NIPBL: variants seen among roughly 807,000 people sequenced by gnomAD.
NIPBL encodes NIPBL cohesin loading factor.
In NIPBL, 19 loss-of-function variants were observed where a neutral mutation model predicts 321.8. The observed-to-expected ratio is 0.06, with a 90% CI of 0.04 to 0.09. The LOEUF (loss-of-function observed/expected upper bound fraction) is 0.09, where lower values mean the gene tolerates loss of function less well. Among genes scored for constraint, NIPBL ranks in the 10% least tolerant of loss-of-function variants. The pLI is 1.00. For synonymous variants in NIPBL, 1,106 were observed against 1,114.1 expected, an observed-to-expected ratio of 0.99 and a Z score of 0.14; for missense variants, 2,210 against 3,327.0, an observed-to-expected ratio of 0.66 and a Z score of 8.26.
Position 36,880,564 on chromosome 5 carries a change from G to A in NIPBL, c.-80+3386G>A, listed in dbSNP as rs189145434. On this transcript the variant is annotated intron_variant, in intron 1 of 46. Coordinates refer to ENST00000282516, the MANE Select transcript of NIPBL (RefSeq NM_133433.4). ...TATCACATTTACTTGCCATAAAAATGAATGGGAAATAATTGACTAGGAACC... is the reference window on the plus strand; with the variant it reads ...TATCACATTTACTTGCCATAAAAATAAATGGGAAATAATTGACTAGGAACC... Among the ~76,000 whole-genome samples, 123 of 152,154 alleles carry A rather than the reference G, an allele frequency of 8.1e-4. 1 individual carries two copies. The highest frequency in any genetic ancestry group is 7.9e-3 in the South Asian group (38 of 4,828).
At position 36,952,053 on chromosome 5, in the gene NIPBL, T is replaced by TGTGTGTGTGTGTGTGC. The variant is rs778597604; in HGVS notation, c.-79-1564_-79-1563insTGTGTGTGTGTGTGCG. Among the ~76,000 whole-genome samples, 862 of 112,126 alleles carry TGTGTGTGTGTGTGTGC rather than the reference T, an allele frequency of 7.7e-3. 4 individuals are homozygous for TGTGTGTGTGTGTGTGC. Among genetic ancestry groups the TGTGTGTGTGTGTGTGC allele is most frequent in the East Asian group, 0.014 (40 of 2,846 alleles). 73.6% of individuals were successfully genotyped at this position (112,126 alleles called of 152,430 possible). On this transcript the variant is annotated intron_variant, in intron 1 of 46. Coordinates refer to ENST00000282516, the MANE Select transcript of NIPBL (RefSeq NM_133433.4). ...GTGTGTGTGTGTGTGTGTGTGTGTG[T>TGTGTGTGTGTGTGTGC]GCGCGCGCGCGCGCGCGCGCATGTG...
intron 1 of NIPBL, among the ~76,000 whole-genome samples, chr5:36,896,791 G>C (rs575372051): frequency 2.0e-5 from 3 of 151,948 alleles, no homozygotes; most frequent in Non-Finnish European, 4.4e-5. Flanking sequence ...GAGAAGGTGC[G>C]GTTTCGCCAT....
intron 22 of NIPBL, among the ~76,000 whole-genome samples, chr5:37,015,730 CA>C (rs1748904030): frequency 6.6e-6 from 1 of 151,710 alleles, no homozygotes; most frequent in Non-Finnish European, 1.5e-5. Flanking sequence ...GACTCCATCT[CA>C]AAAAAATAAA....
chr5:36,878,101 G>C (rs1481369633), intron 1 of NIPBL, among the ~76,000 whole-genome samples: 2 of 152,210 alleles, frequency 1.3e-5, no homozygotes, highest in African/African-American at 4.8e-5. Context: ...TGAGAATTGT[G>C]CTGAGATACG....
At chr5:37,036,512 A>C (rs1381615591) in intron 33 of NIPBL, 25 bp downstream of exon 33, 3 of 950,510 alleles carry the variant, frequency 3.2e-6, no homozygotes, top group Non-Finnish European at 4.6e-6. Context: ...ATATATATTG[A>C]TCTTTAGTTG....
chr5:36,959,895 A>G, intron 4 of NIPBL, among the ~76,000 whole-genome samples: 1 of 148,152 alleles, frequency 6.7e-6, no homozygotes, highest in East Asian at 2.0e-4. Flanking sequence ...ATTGCATGTT[A>G]TTTTTTTTTT....
At chr5:36,877,367 G>A (rs1459233302) in intron 1 of NIPBL, among the ~76,000 whole-genome samples, 189 bp downstream of exon 1, 1 of 152,102 alleles carries the variant, frequency 6.6e-6, no homozygotes, top group Admixed American at 6.5e-5. Flanking sequence ...ACCCTCTCCC[G>A]GCCGGCTCCG....
chr5:36,949,411 G>A (rs969984671), intron 1 of NIPBL, among the ~76,000 whole-genome samples: 2 of 151,746 alleles, frequency 1.3e-5, no homozygotes, highest in Admixed American at 1.3e-4. Flanking sequence ...CCAGCTGTAT[G>A]GCCTTAGGCA....
At chr5:37,053,029 T>C (rs935632760) in intron 42 of NIPBL, among the ~76,000 whole-genome samples, 14 of 152,184 alleles carry the variant, frequency 9.2e-5, no homozygotes, top group Non-Finnish European at 1.9e-4. Flanking sequence ...TCATTAAAGA[T>C]ACATTTCATG....
At chr5:36,961,334 GT>G in intron 4 of NIPBL, 149 bp from the exon 5 acceptor site, 1 of 629,854 alleles carries the variant, frequency 1.6e-6, no homozygotes. Flanking sequence ...GAAATTTACA[GT>G]TTTACAGCGT....
intron 30 of NIPBL, among the ~76,000 whole-genome samples, chr5:37,025,826 T>C (rs1228930513): frequency 6.6e-6 from 1 of 152,098 alleles, no homozygotes; most frequent in Non-Finnish European, 1.5e-5. Context: ...ATTTTAAGTT[T>C]AGTCCTAAAT....
In NIPBL at chr5:37,045,503, C is replaced by A. The variant is rs1180719751; in HGVS notation, c.6404C>A (p.Thr2135Lys). 1 of 1,613,950 alleles carries A rather than the reference C, an allele frequency of 6.2e-7. No individual in the cohort carries two copies. The highest frequency in any genetic ancestry group is 1.3e-5 in the African/African-American group (1 of 75,024). The change falls in exon 37 of 47, where the codon ACA becomes AAA. Residue 2135 changes from threonine (T) to lysine (K), a missense_variant. Thr to Lys is a moderately conservative substitution (Grantham distance 78, BLOSUM62 -1). This residue lies in a region of NIPBL where 73 missense variants were observed against 222.3 expected (regional missense o/e 0.33). Coordinates refer to ENST00000282516, the MANE Select transcript of NIPBL (RefSeq NM_133433.4). ...QEDPNNTSLL[T>K]NKPALLRSLF... ...GACCCAAATAACACTTCACTTCTAA[C>A]AAACAAACCAGCACTTCTTAGATCC... is the stretch of plus-strand genomic sequence containing the variant.
rs1394292077 is a variant in NIPBL, at chr5:36,973,354, T to G, written c.868+1313T>G. 4.0e-5 allele frequency among the ~76,000 whole-genome samples: 6 copies of G among 151,814 alleles called. No individual in the cohort carries two copies. The East Asian group carries it at 1.2e-3, about 29-fold the overall frequency. ...TTTTTTCAAAAATTTTTTAAAAATT[T>G]TATTTTATTTTACTTTAAGTTCTGG... On this transcript the variant is annotated intron_variant, in intron 8 of 46. Coordinates refer to ENST00000282516, the MANE Select transcript of NIPBL (RefSeq NM_133433.4).
rs1399742938 is a variant in NIPBL, at chr5:36,985,133, T to G, written c.1953T>G (p.Leu651=). 2 of 1,613,700 alleles carry G rather than the reference T, an allele frequency of 1.2e-6. No homozygotes were observed. Among genetic ancestry groups the G allele is most frequent in the East Asian group, 2.2e-5 (1 of 44,872 alleles). ...AAGTTGAGACCCAAACAGAAGAACT[T>G]AAACAGAATGAGAGCAGAACAACTG... ...ETKVETQTEE[L]KQNESRTTEC... is the part of the protein sequence containing the mutation. The change falls in exon 10 of 47, where the codon CTT becomes CTG. Residue 651 remains leucine, a synonymous_variant. Coordinates refer to ENST00000282516, the MANE Select transcript of NIPBL (RefSeq NM_133433.4).
At chr5:36,981,403 A>G (rs940999483) in intron 9 of NIPBL, among the ~76,000 whole-genome samples, 3 of 151,690 alleles carry the variant, frequency 2.0e-5, no homozygotes, top group Non-Finnish European at 3.0e-5. Flanking sequence ...CTTGTTCCGC[A>G]GAAGAAAGAC....
At chr5:36,927,062 A>G (rs1283648631) in intron 1 of NIPBL, among the ~76,000 whole-genome samples, 8 of 152,184 alleles carry the variant, frequency 5.3e-5, no homozygotes, top group Non-Finnish European at 1.2e-4. Context: ...TTTCCTATAA[A>G]TATGTATATT....
rs1280725123 is a variant in NIPBL, at chr5:37,051,830, A to T, written c.7006A>T (p.Asn2336Tyr). 1 of 1,614,076 alleles carries T rather than the reference A, an allele frequency of 6.2e-7. No homozygotes were observed. Among genetic ancestry groups the T allele is most frequent in the Non-Finnish European group, 8.5e-7 (1 of 1,179,974 alleles). The part of the protein sequence containing the change: ...MGTDPEPAMR[N>Y]KADQQLVEID... ...CACAGACCCAGAACCTGCTATGCGG[A>T]ACAAGGCTGATCAGCAACTTGTGGA... The change falls in exon 41 of 47, where the codon AAC becomes TAC. Residue 2336 changes from asparagine (N) to tyrosine (Y), a missense_variant. Physicochemically the swap from Asn to Tyr is moderately radical, Grantham distance 143. This residue lies in a region of NIPBL where 112 missense variants were observed against 288.3 expected (regional missense o/e 0.39). Transcript: ENST00000282516.
intron 23 of NIPBL, 111 bp downstream of exon 23, chr5:37,016,281 A>T: frequency 9.0e-7 from 1 of 1,105,692 alleles, no homozygotes; most frequent in East Asian, 2.5e-5. Context: ...AAATATGAAC[A>T]TTGCATCTCT....
At chr5:36,909,630 CCAA>C (rs961773212) in intron 1 of NIPBL, among the ~76,000 whole-genome samples, 5 of 152,102 alleles carry the variant, frequency 3.3e-5, no homozygotes, top group African/African-American at 9.6e-5. Flanking sequence ...AACGAAATAA[CCAA>C]CAACAATATA....
Sources: allele counts gnomAD v4.1 joint callset (sites outside exome capture counted in the v4.1 genomes callset), GRCh38; gene constraint gnomAD v4.1.1; regional missense constraint gnomAD v4.1.1; transcripts MANE v1.5; gene names NCBI Gene and HGNC (gene_info 2026-07-23, HGNC 2026-07-21).